The following FSD1L variants were observed in gnomAD, a reference collection of about 807,000 sequenced individuals.
The protein encoded by FSD1L is FSD1-like protein.
A neutral mutation model predicts 71.6 loss-of-function variants in FSD1L; 45 were observed. The ratio of observed to expected loss-of-function variants is 0.63; its 90% CI spans 0.49 to 0.81. The LOEUF is 0.81. Among genes scored for constraint, FSD1L ranks in the 30% least tolerant of loss-of-function variants. The probability of loss-of-function intolerance (pLI) is 0.00; values close to 1 mark genes in which losing one functional copy is unlikely to be tolerated. For missense variants in FSD1L, 561 were observed against 618.1 expected (o/e 0.91, Z 0.98); for synonymous variants, 197 against 207.2 (o/e 0.95, Z 0.42).
intron 13 of FSD1L, among the ~76,000 whole-genome samples, chr9:105,540,270 G>A (rs1836526516): frequency 6.6e-6 from 1 of 151,962 alleles, no homozygotes. Flanking sequence ...GACTATTTGG[G>A]TATATGCTTT....
chr9:105,460,771 C>T (rs1830641428), intron 1 of FSD1L, among the ~76,000 whole-genome samples: 1 of 152,102 alleles, frequency 6.6e-6, no homozygotes, highest in Non-Finnish European at 1.5e-5. Flanking sequence ...TTGACGTGGA[C>T]ATTTGCACTT....
At chr9:105,466,499 C>T (rs1226699582) in intron 3 of FSD1L, among the ~76,000 whole-genome samples, 1 of 152,092 alleles carries the variant, frequency 6.6e-6, no homozygotes, top group Non-Finnish European at 1.5e-5. Flanking sequence ...TCAAGACCAG[C>T]CTGGCCAACA....
At chr9:105,537,510 G>C (rs1336614555) in intron 12 of FSD1L, among the ~76,000 whole-genome samples, 2 of 151,886 alleles carry the variant, frequency 1.3e-5, no homozygotes, top group African/African-American at 2.4e-5. Flanking sequence ...AGTCCATAAA[G>C]GTAGTAGTGA....
At chr9:105,492,176 G>T (rs1341358908) in intron 7 of FSD1L, among the ~76,000 whole-genome samples, 1 of 152,076 alleles carries the variant, frequency 6.6e-6, no homozygotes, top group Non-Finnish European at 1.5e-5. Flanking sequence ...CAATTTCAGA[G>T]CCTGTTATTG....
At chr9:105,484,015 G>C (rs928922276) in intron 6 of FSD1L, among the ~76,000 whole-genome samples, 2 of 152,144 alleles carry the variant, frequency 1.3e-5, no homozygotes, top group African/African-American at 4.8e-5. Context: ...TCTGGCATAT[G>C]AAAAGGAGTA....
chr9:105,492,183 A>T (rs1247258540), intron 7 of FSD1L, among the ~76,000 whole-genome samples: 1 of 152,022 alleles, frequency 6.6e-6, no homozygotes, highest in Admixed American at 6.6e-5. Context: ...AGAGCCTGTT[A>T]TTGGTCTATT....
At chr9:105,444,500 G>A (rs1224711120), upstream of FSD1L, among the ~76,000 whole-genome samples, 1 of 152,190 alleles carries the variant, frequency 6.6e-6, no homozygotes, top group African/African-American at 2.4e-5. Context: ...TCTCTCCTAA[G>A]AGATGGGGGA....
At chr9:105,539,229 A>G (rs1359569197) in intron 12 of FSD1L, 34 bp from the exon 13 acceptor site, 2 of 976,960 alleles carry the variant, frequency 2.0e-6, no homozygotes, top group African/African-American at 1.7e-5. Context: ...AATTTTTTGT[A>G]TAATAAATTA....
intron 10 of FSD1L, among the ~76,000 whole-genome samples, chr9:105,515,190 C>T (rs1437597018): frequency 6.6e-6 from 1 of 152,176 alleles, no homozygotes; most frequent in East Asian, 1.9e-4. Context: ...GCCTCATCAA[C>T]GCCCGCCTAC....
chr9:105,506,471 T>A lies in FSD1L; in HGVS notation c.659T>A (p.Met220Lys), dbSNP rs758870795. Residue 220 changes from methionine (M) to lysine (K), a missense_variant, in exon 8 of 14, where the codon ATG becomes AAG. By Grantham distance (95) the Met-to-Lys change is moderately conservative. Around this residue, in one of 3 missense-constraint regions of FSD1L, gnomAD observed 410 missense variants for 413.5 expected, o/e 0.99. Transcript: ENST00000481272. ...AACTCTGTAACAGTGGCTTGGAGAA[T>A]GCCAGAAGAAGATAATAAGATTGAC... ...ADNSVTVAWRMPEEDNKIDHF... is the reference protein window; with the variant it reads ...ADNSVTVAWRKPEEDNKIDHF... 1 of 1,551,430 alleles carries A rather than the reference T, an allele frequency of 6.4e-7. No individual in the cohort carries two copies. The highest frequency in any genetic ancestry group is 1.2e-5 in the South Asian group (1 of 84,048).
chr9:105,504,981 C>A (rs1443049945), intron 7 of FSD1L, among the ~76,000 whole-genome samples: 3 of 152,112 alleles, frequency 2.0e-5, no homozygotes, highest in African/African-American at 7.2e-5. Flanking sequence ...TATTACTATT[C>A]TGCATTAGTG....
At position 105,549,679 on chromosome 9, in the gene FSD1L, A is replaced by G. The variant is rs1837190072; in HGVS notation, c.*3196A>G. ...ATTTACTTATTTATGAAATTAAAGCATGAATAATATGTATAATTTGAATTT... is the reference window on the plus strand; with the variant it reads ...ATTTACTTATTTATGAAATTAAAGCGTGAATAATATGTATAATTTGAATTT... On this transcript the variant is annotated 3_prime_UTR_variant, in exon 14 of 14. Transcript: ENST00000481272. 1 of 152,076 alleles carries G rather than the reference A, an allele frequency of 6.6e-6. No individual in the cohort carries two copies. The highest frequency in any genetic ancestry group is 2.4e-5 in the African/African-American group (1 of 41,450). 9.4% of individuals were successfully genotyped at this position (152,076 alleles called of 1,614,324 possible). A position where few individuals can be genotyped will look rare whatever the true frequency, so the allele number is the denominator to read the frequency against.
chr9:105,506,773 CTT>C (rs80071145), intron 8 of FSD1L, among the ~76,000 whole-genome samples, 165 bp downstream of exon 8: 8 of 143,884 alleles, frequency 5.6e-5, no homozygotes, highest in African/African-American at 5.1e-5. Flanking sequence ...CAAGGAAACC[CTT>C]TTTTTTTTTT....
intron 11 of FSD1L, among the ~76,000 whole-genome samples, chr9:105,534,799 T>A (rs761698328): frequency 6.6e-6 from 1 of 152,220 alleles, no homozygotes; most frequent in Non-Finnish European, 1.5e-5. Flanking sequence ...GCTTACGTAG[T>A]GTTCCCACAT....
chr9:105,521,797 C>T, intron 10 of FSD1L: 1 of 1,612,538 alleles, frequency 6.2e-7, no homozygotes, highest in South Asian at 1.1e-5. Flanking sequence ...TCTGAAGAAG[C>T]CACAGAACAA....
At chr9:105,545,102 T>A (rs1280177177) in intron 13 of FSD1L, among the ~76,000 whole-genome samples, 1 of 152,224 alleles carries the variant, frequency 6.6e-6, no homozygotes, top group East Asian at 1.9e-4. Context: ...TTTTATTTCA[T>A]TGAGCAGTGG....
the FSD1L span, among the ~76,000 whole-genome samples, chr9:105,442,523 A>T: frequency 2.3e-5 from 3 of 133,114 alleles, no homozygotes; most frequent in East Asian, 4.1e-4. Context: ...TACAAAACAT[A>T]AAAAAAAAAA....
At chr9:105,453,044 G>GTTTTTTTTTTTTTTTTTTTTTTTTTT (rs774826229) in intron 1 of FSD1L, among the ~76,000 whole-genome samples, 1 of 88,240 alleles carries the variant, frequency 1.1e-5, no homozygotes, top group African/African-American at 4.9e-5. Context: ...ACCTAAAGTT[G>GTTTTTTTTTTTTTTTTTTTTTTTTTT]TTTTTTTTTT....
At chr9:105,447,418 A>G (rs554681914), upstream of FSD1L, among the ~76,000 whole-genome samples, 5 of 151,826 alleles carry the variant, frequency 3.3e-5, no homozygotes, top group East Asian at 9.7e-4. Context: ...AATCCTCTGC[A>G]AAGTCCGCAT....
Sources: allele counts gnomAD v4.1 joint callset (sites outside exome capture counted in the v4.1 genomes callset), GRCh38; gene constraint gnomAD v4.1.1; regional missense constraint gnomAD v4.1.1; transcripts MANE v1.5; gene names NCBI Gene and HGNC (gene_info 2026-07-23, HGNC 2026-07-21).